KRABD5: variants seen among roughly 807,000 people sequenced by gnomAD.
KRABD5 encodes KRAB domain-containing protein 5.
chr16:31,721,805 C>T, the KRABD5 span, among the ~76,000 whole-genome samples: 1 of 152,306 alleles, frequency 6.6e-6, no homozygotes, highest in Non-Finnish European at 1.5e-5. Flanking sequence ...AAAGTGTGGC[C>T]TCTGGACCTG....
chr16:31,756,461 G>A, the KRABD5 span: 2 of 151,910 alleles, frequency 1.3e-5, no homozygotes, highest in African/African-American at 4.8e-5. Context: ...TATTTGATGT[G>A]TTAAAAATAA....
At chr16:31,748,072 A>G in the KRABD5 span, among the ~76,000 whole-genome samples, 8 of 152,204 alleles carry the variant, frequency 5.3e-5, no homozygotes, top group East Asian at 1.4e-3. Context: ...GCCCATGCCT[A>G]TGTCCTGAAT....
chr16:31,718,416 A>C, the KRABD5 span, among the ~76,000 whole-genome samples: 426 of 152,246 alleles, frequency 2.8e-3, 3 homozygotes, highest in Non-Finnish European at 5.2e-3. Flanking sequence ...ATTGACATAG[A>C]CCTTGTAAAG....
chr16:31,750,037 A>G, the KRABD5 span, among the ~76,000 whole-genome samples: 2 of 152,188 alleles, frequency 1.3e-5, no homozygotes, highest in Non-Finnish European at 2.9e-5. Context: ...ACTTAGTTCC[A>G]TATGAATTTT....
At chr16:31,739,119 A>G in the KRABD5 span, among the ~76,000 whole-genome samples, 5 of 152,180 alleles carry the variant, frequency 3.3e-5, no homozygotes, top group Non-Finnish European at 5.9e-5. Context: ...TTACTTGTGT[A>G]TATAATTACT....
At chr16:31,745,874 A>G in the KRABD5 span, among the ~76,000 whole-genome samples, 8 of 150,946 alleles carry the variant, frequency 5.3e-5, no homozygotes, top group South Asian at 1.7e-3. Flanking sequence ...ATTATGTAAT[A>G]CTCTTCTTTG....
the KRABD5 span, among the ~76,000 whole-genome samples, chr16:31,749,372 G>A: frequency 1.3e-5 from 2 of 152,182 alleles, no homozygotes; most frequent in African/African-American, 4.8e-5. Context: ...CCTCACCCTG[G>A]GAGCTTAGCA....
At chr16:31,722,118 A>G in the KRABD5 span, among the ~76,000 whole-genome samples, 19 of 152,148 alleles carry the variant, frequency 1.2e-4, no homozygotes, top group African/African-American at 4.6e-4. Context: ...CTTGTTGCTC[A>G]GGCTGGAGTT....
chr16:31,737,529 T>C, the KRABD5 span, among the ~76,000 whole-genome samples: 1 of 152,212 alleles, frequency 6.6e-6, no homozygotes, highest in East Asian at 1.9e-4. Flanking sequence ...TTTTTTCCCT[T>C]GTGGATTTCC....
At chr16:31,733,441 T>C in the KRABD5 span, 26 of 444,362 alleles carry the variant, frequency 5.9e-5, no homozygotes, top group Admixed American at 6.3e-4. Context: ...TTTTTAAGTG[T>C]ACAGTTTATT....
chr16:31,759,638 TG>T, the KRABD5 span: 1 of 421,402 alleles, frequency 2.4e-6, no homozygotes, highest in African/African-American at 2.0e-5. Flanking sequence ...TAGTTGAAGC[TG>T]GGGGCAGGTC....
At chr16:31,751,733 A>T in the KRABD5 span, among the ~76,000 whole-genome samples, 2 of 152,126 alleles carry the variant, frequency 1.3e-5, no homozygotes, top group Non-Finnish European at 2.9e-5. Context: ...GGTTTTGCTG[A>T]TGCTTTGTAT....
chr16:31,723,388 G>C, the KRABD5 span: 1 of 1,572,814 alleles, frequency 6.4e-7, no homozygotes, highest in Non-Finnish European at 8.6e-7. Flanking sequence ...TGACATGGGC[G>C]AGAGGTCCAG....
At chr16:31,726,625 G>A in the KRABD5 span, among the ~76,000 whole-genome samples, 1 of 152,122 alleles carries the variant, frequency 6.6e-6, no homozygotes, top group African/African-American at 2.4e-5. Flanking sequence ...GCCAGGTGTG[G>A]TGGTGCATAC....
chr16:31,759,354 C>T, the KRABD5 span: 276 of 1,519,520 alleles, frequency 1.8e-4, no homozygotes, highest in Admixed American at 2.9e-4. Context: ...TATTTTATTC[C>T]AGGCAAAATA....
chr16:31,742,293 C>G, the KRABD5 span, among the ~76,000 whole-genome samples: 1 of 151,622 alleles, frequency 6.6e-6, no homozygotes, highest in African/African-American at 2.4e-5. Flanking sequence ...GACCCATTGT[C>G]TATGTTCCTT....
chr16:31,753,708 A>G, the KRABD5 span: 53 of 1,392,512 alleles, frequency 3.8e-5, no homozygotes, highest in Non-Finnish European at 4.8e-5. Context: ...TTAGATTTAT[A>G]AAGTATTTTC....
the KRABD5 span, chr16:31,722,710 G>A: frequency 1.2e-6 from 2 of 1,612,226 alleles, no homozygotes; most frequent in African/African-American, 1.3e-5. Context: ...GCTTTTATAT[G>A]GGGATGTGAT....
At chr16:31,759,575 G>C in the KRABD5 span, 1 of 687,492 alleles carries the variant, frequency 1.5e-6, no homozygotes, top group Non-Finnish European at 2.5e-6. Context: ...TTAAATGGGT[G>C]GGGGTAGGGA....
Sources: allele counts gnomAD v4.1 joint callset (sites outside exome capture counted in the v4.1 genomes callset), GRCh38; gene constraint gnomAD v4.1.1; transcripts MANE v1.5; gene names NCBI Gene and HGNC (gene_info 2026-07-23, HGNC 2026-07-21).